Variants in LIX1L observed in about 807,000 individuals in gnomAD.
LIX1L encodes limb and CNS expressed 1 like, also known as LIX1-like protein.
Under a neutral mutation model 34.0 loss-of-function variants are expected in LIX1L, and 20 were observed. The observed-to-expected ratio is 0.59, with a 90% CI of 0.41 to 0.85. The LOEUF is 0.85. LIX1L is among the 40% of genes least tolerant of loss of function. The pLI is 0.00. For synonymous variants in LIX1L, 170 were observed against 187.4 expected (o/e 0.91, Z 0.76); for missense variants, 397 against 447.0 (o/e 0.89, Z 1.01).
intron 3 of LIX1L, chr1:145,941,056 C>G (rs1449100279): frequency 1.3e-5 from 2 of 151,882 alleles, no homozygotes; most frequent in African/African-American, 4.8e-5. Context: ...TTTTAGCTGG[C>G]TTTTTCTTTT....
intron 2 of LIX1L, among the ~76,000 whole-genome samples, chr1:145,945,293 T>G (rs1649058334): frequency 1.9e-5 from 2 of 103,940 alleles, no homozygotes; most frequent in African/African-American, 8.1e-5. Context: ...AGAGCAAGAC[T>G]CTGTCTCAAA....
chr1:145,938,866 G>A (rs1223739502), intron 3 of LIX1L, among the ~76,000 whole-genome samples: 1 of 152,176 alleles, frequency 6.6e-6, no homozygotes, highest in East Asian at 1.9e-4. Flanking sequence ...GGGATTACAG[G>A]CGTAAGCCAC....
chr1:145,957,579 G>A, intron 1 of LIX1L, 57 bp downstream of exon 1: 1 of 1,405,400 alleles, frequency 7.1e-7, no homozygotes, highest in Non-Finnish European at 9.2e-7. Flanking sequence ...GGAGGACTGT[G>A]GGAGCAAGGC....
At chr1:145,952,204 C>A (rs1452380355) in intron 1 of LIX1L, among the ~76,000 whole-genome samples, 1 of 152,160 alleles carries the variant, frequency 6.6e-6, no homozygotes, top group Non-Finnish European at 1.5e-5. Flanking sequence ...GCTCCAAGGT[C>A]CAGTCCACAG....
Position 145,948,585 on chromosome 1 carries a change from A to G in LIX1L, c.293-803T>C, listed in dbSNP as rs1649186395. Among the ~76,000 whole-genome samples the G allele has an allele frequency of 6.6e-6, 1 of 151,958 alleles. No individual in the cohort carries two copies. The highest frequency in any genetic ancestry group is 2.4e-5 in the African/African-American group (1 of 41,340). ...CCAGGGCATGGGGGTGGGAGAGAAA[A>G]CTCTTTTGAGGCTTTACCTGGGTAT... On this transcript the variant is annotated intron_variant, in intron 1 of 5. Coordinates refer to ENST00000604000, the MANE Select transcript of LIX1L (RefSeq NM_153713.3). This position sits in a 1 kb window ranked among gnomAD's most constrained non-coding sequence, Gnocchi z 4.0.
In LIX1L at chr1:145,936,720, G is replaced by A. The variant is rs951274333; in HGVS notation, c.772-168C>T. Reference sequence around the variant, plus strand: ...ACTTCCTGCTACGGGAAGCAAGATAGACAAAAGAATCACAGCTAATATTTA... The same window carrying A: ...ACTTCCTGCTACGGGAAGCAAGATAAACAAAAGAATCACAGCTAATATTTA... On this transcript the variant is annotated intron_variant, in intron 5 of 5. Transcript: ENST00000604000. 8 of 853,708 alleles carry A rather than the reference G, an allele frequency of 9.4e-6. No homozygotes were observed. The Admixed American group carries it at 2.0e-4, about 21-fold the overall frequency. The allele number at this position is 853,708 out of a possible 1,614,324, so 52.9% of individuals were successfully genotyped here.
At chr1:145,938,224 T>A (rs1553758090) in intron 3 of LIX1L, among the ~76,000 whole-genome samples, 2 of 152,210 alleles carry the variant, frequency 1.3e-5, no homozygotes, top group Non-Finnish European at 2.9e-5. Flanking sequence ...TAAACATTAT[T>A]AATGAAATAT....
At chr1:145,939,587 A>G (rs1205838103) in intron 3 of LIX1L, among the ~76,000 whole-genome samples, 3 of 150,638 alleles carry the variant, frequency 2.0e-5, no homozygotes, top group Admixed American at 2.0e-4. Context: ...GATTACAGGC[A>G]TGAACCTCAG....
chr1:145,947,301 G>C (rs1304770475), intron 2 of LIX1L: 1 of 300,406 alleles, frequency 3.3e-6, no homozygotes, highest in African/African-American at 2.1e-5. Flanking sequence ...TCCTCAATAA[G>C]AGATGGAAGA....
intron 5 of LIX1L, 24 bp from the exon 6 acceptor site, chr1:145,936,576 C>T: frequency 6.2e-7 from 1 of 1,613,578 alleles, no homozygotes; most frequent in Non-Finnish European, 8.5e-7. Flanking sequence ...GGAATGTGAA[C>T]ATCATTGAGA....
chr1:145,949,442 G>C, intron 1 of LIX1L, among the ~76,000 whole-genome samples: 1 of 152,276 alleles, frequency 6.6e-6, no homozygotes, highest in Non-Finnish European at 1.5e-5. Context: ...TGACGGCAGG[G>C]AACATGATGA....
At chr1:145,942,587 AAG>A (rs1347212525) in intron 3 of LIX1L, 124 bp downstream of exon 3, 2 of 855,142 alleles carry the variant, frequency 2.3e-6, no homozygotes, top group East Asian at 4.8e-5. Context: ...AATAAATCAA[AAG>A]AACAGAGAGG....
At chr1:145,936,737 T>C in intron 5 of LIX1L, 171 bp downstream of exon 5, 4 of 820,056 alleles carry the variant, frequency 4.9e-6, no homozygotes, top group Non-Finnish European at 7.8e-6. Context: ...GAATCACAGC[T>C]AATATTTACA....
At chr1:145,936,639 C>T in intron 5 of LIX1L, 87 bp from the exon 6 acceptor site, 1 of 1,495,950 alleles carries the variant, frequency 6.7e-7, no homozygotes, top group Non-Finnish European at 9.1e-7. Flanking sequence ...AAGAACTCAG[C>T]TTTAGAGACC....
At chr1:145,946,462 G>A (rs1330489275) in intron 2 of LIX1L, among the ~76,000 whole-genome samples, 1 of 152,068 alleles carries the variant, frequency 6.6e-6, no homozygotes, top group Non-Finnish European at 1.5e-5. Context: ...CTCCCAGAGT[G>A]CTGGGATTAC....
intron 5 of LIX1L, 101 bp from the exon 6 acceptor site, chr1:145,936,653 C>T: frequency 7.1e-7 from 1 of 1,399,300 alleles, no homozygotes; most frequent in Non-Finnish European, 9.9e-7. Flanking sequence ...AGAGACCTAA[C>T]TGAGGTCAGC....
chr1:145,957,505 A>G, intron 1 of LIX1L, 131 bp downstream of exon 1: 2 of 1,251,386 alleles, frequency 1.6e-6, no homozygotes, highest in East Asian at 3.1e-5. Context: ...GCGTGTGCGT[A>G]GCCCAGAAGG....
chr1:145,947,483 G>T, intron 2 of LIX1L, 136 bp downstream of exon 2: 2 of 923,182 alleles, frequency 2.2e-6, no homozygotes, highest in Non-Finnish European at 3.3e-6. Context: ...TCAGATGCTT[G>T]CCAGAATAAT....
chr1:145,956,748 T>C (rs587637822), intron 1 of LIX1L, among the ~76,000 whole-genome samples: 1 of 152,324 alleles, frequency 6.6e-6, no homozygotes, highest in Non-Finnish European at 1.5e-5. Flanking sequence ...CCTTATTACT[T>C]ACACTATAAA....
Sources: allele counts gnomAD v4.1 joint callset (sites outside exome capture counted in the v4.1 genomes callset), GRCh38; gene constraint gnomAD v4.1.1; non-coding constraint Gnocchi (gnomAD v3.1); transcripts MANE v1.5; gene names NCBI Gene and HGNC (gene_info 2026-07-23, HGNC 2026-07-21).